Variants in CSMD1 observed in about 807,000 individuals in gnomAD.
CSMD1 encodes the protein CUB and sushi domain-containing protein 1.
CSMD1 carries 213 observed loss-of-function variants against 417.5 expected under a neutral mutation model. That is an observed-to-expected ratio of 0.51 (90% CI 0.46 to 0.57). The LOEUF (loss-of-function observed/expected upper bound fraction) is 0.57. CSMD1 is among the 20% of genes least tolerant of loss of function. The probability of loss-of-function intolerance (pLI) is 0.00; values close to 1 mark genes in which losing one functional copy is unlikely to be tolerated. For missense variants in CSMD1, 6,923 were observed against 4,529.7 expected (o/e 1.53, Z -15.17); for synonymous variants, 2,862 against 1,736.8 (o/e 1.65, Z -16.11).
intron 4 of CSMD1, among the ~76,000 whole-genome samples, chr8:4,013,693 T>A (rs951384521): frequency 6.6e-6 from 1 of 152,214 alleles, no homozygotes; most frequent in Non-Finnish European, 1.5e-5. Context: ...CTTGTTTTGT[T>A]CATATTGTAG....
At chr8:4,447,051 G>T (rs1045412017) in intron 2 of CSMD1, among the ~76,000 whole-genome samples, 3 of 152,144 alleles carry the variant, frequency 2.0e-5, no homozygotes, top group Non-Finnish European at 4.4e-5. Context: ...ATCAGCCTGT[G>T]TCAGGTCTGC....
At chr8:3,403,531 G>C (rs1812165701) in intron 15 of CSMD1, among the ~76,000 whole-genome samples, 1 of 152,120 alleles carries the variant, frequency 6.6e-6, no homozygotes, top group South Asian at 2.1e-4. Context: ...ACCTATAGCT[G>C]GGTTTTGCCT....
At chr8:4,227,880 C>A (rs1285355238) in intron 3 of CSMD1, among the ~76,000 whole-genome samples, 5 of 144,656 alleles carry the variant, frequency 3.5e-5, no homozygotes, top group Non-Finnish European at 4.5e-5. Flanking sequence ...ATCCTACATT[C>A]AACCCCACAC....
intron 26 of CSMD1, among the ~76,000 whole-genome samples, chr8:3,256,095 A>C (rs990253640): frequency 6.6e-6 from 1 of 152,108 alleles, no homozygotes; most frequent in Non-Finnish European, 1.5e-5. Flanking sequence ...TGGGGGGCTG[A>C]GGCAGACCAA....
chr8:3,343,873 C>G (rs535495584), intron 22 of CSMD1, among the ~76,000 whole-genome samples: 1 of 152,260 alleles, frequency 6.6e-6, no homozygotes, highest in South Asian at 2.1e-4. Flanking sequence ...AGAACATACC[C>G]TTCCTTTCTA....
At chr8:4,691,723 C>T (rs1353250454) in intron 1 of CSMD1, among the ~76,000 whole-genome samples, 4 of 152,180 alleles carry the variant, frequency 2.6e-5, no homozygotes, top group Non-Finnish European at 5.9e-5. Flanking sequence ...CCTGAAGGTC[C>T]AGGTACACTA....
intron 3 of CSMD1, among the ~76,000 whole-genome samples, chr8:4,213,777 T>C (rs1403109779): frequency 6.6e-6 from 1 of 152,042 alleles, no homozygotes; most frequent in African/African-American, 2.4e-5. Flanking sequence ...CTGCCAGCTG[T>C]GGTGAGGGTG....
At chr8:4,544,127 G>C (rs946834242) in intron 2 of CSMD1, among the ~76,000 whole-genome samples, 2 of 152,028 alleles carry the variant, frequency 1.3e-5, no homozygotes, top group African/African-American at 4.8e-5. Context: ...TTTGCATAAA[G>C]TCCAACTTAA....
chr8:3,886,523 T>G (rs1164288517), intron 5 of CSMD1, among the ~76,000 whole-genome samples: 2 of 152,202 alleles, frequency 1.3e-5, no homozygotes, highest in African/African-American at 2.4e-5. Context: ...TGCTGAAGTT[T>G]GAAAGCAGGC....
At chr8:4,584,540 T>C (rs1210656769) in intron 2 of CSMD1, among the ~76,000 whole-genome samples, 1 of 152,104 alleles carries the variant, frequency 6.6e-6, no homozygotes, top group African/African-American at 2.4e-5. Context: ...GTTGGGACCG[T>C]TGGTTTGCCT....
intron 1 of CSMD1, among the ~76,000 whole-genome samples, chr8:4,879,589 A>G (rs1803267923): frequency 1.3e-5 from 2 of 152,142 alleles, no homozygotes; most frequent in South Asian, 2.1e-4. Context: ...AAAACGAAGA[A>G]GAAAATAAGG....
intron 3 of CSMD1, among the ~76,000 whole-genome samples, chr8:4,270,595 C>A (rs1804524048): frequency 6.6e-6 from 1 of 152,152 alleles, no homozygotes; most frequent in African/African-American, 2.4e-5. Flanking sequence ...AGCCCGACTT[C>A]CTGTTCAACC....
chr8:4,298,104 G>A (rs550659418), intron 3 of CSMD1, among the ~76,000 whole-genome samples: 26 of 152,084 alleles, frequency 1.7e-4, no homozygotes, highest in Non-Finnish European at 2.8e-4. Flanking sequence ...TAAAGGACCT[G>A]GAGAACATCC....
chr8:4,576,918 T>G (rs1221421841), intron 2 of CSMD1, among the ~76,000 whole-genome samples: 1 of 152,196 alleles, frequency 6.6e-6, no homozygotes. Flanking sequence ...ATAGAATGAT[T>G]ATTTAGATTT....
intron 41 of CSMD1, among the ~76,000 whole-genome samples, chr8:3,138,997 G>A (rs978117307): frequency 1.3e-5 from 2 of 152,156 alleles, no homozygotes; most frequent in Non-Finnish European, 2.9e-5. Flanking sequence ...GAGCAGTTAC[G>A]GCTACTGGTG....
At chr8:4,791,441 A>T (rs185637314) in intron 1 of CSMD1, among the ~76,000 whole-genome samples, 2 of 152,186 alleles carry the variant, frequency 1.3e-5, no homozygotes, top group Non-Finnish European at 1.5e-5. Context: ...CCCTTGGTCT[A>T]TAAGGTTTGT....
intron 6 of CSMD1, 28 bp from the exon 7 acceptor site, chr8:3,708,519 C>A (rs369134364): frequency 1.3e-6 from 2 of 1,597,448 alleles, no homozygotes; most frequent in South Asian, 1.1e-5. Flanking sequence ...AAGCCATTAG[C>A]AGGTAAGACT....
chr8:4,872,890 C>G (rs1456187799), intron 1 of CSMD1, among the ~76,000 whole-genome samples: 1 of 151,998 alleles, frequency 6.6e-6, no homozygotes, highest in Non-Finnish European at 1.5e-5. Context: ...CTGGCGAATA[C>G]TTTGTGCGAT....
At chr8:4,042,647 TCTGTTTAAAACACTATTAG>T (rs1214472456) in intron 3 of CSMD1, among the ~76,000 whole-genome samples, 2 of 151,626 alleles carry the variant, frequency 1.3e-5, no homozygotes, top group Non-Finnish European at 2.9e-5. Flanking sequence ...ATTTTAAAAA[TCTGTTTAAAACACTATTAG>T]CTGTTTAAAG....
Sources: gnomAD v4.1 joint callset for allele counts (sites outside exome capture counted in the v4.1 genomes callset) on GRCh38, gnomAD v4.1.1 for gene constraint, MANE v1.5 for transcripts, NCBI Gene and HGNC (gene_info 2026-07-23, HGNC 2026-07-21) for gene names.